Variants in ASB18 observed in about 807,000 individuals in gnomAD.
The protein encoded by ASB18 is ankyrin repeat and SOCS box containing 18.
Under a neutral mutation model 33.4 loss-of-function variants are expected in ASB18, and 33 were observed. The observed-to-expected ratio is 0.99, with a 90% confidence interval of 0.75 to 1.32. The LOEUF is 1.32. Ranked by LOEUF, ASB18 falls within the 40% of genes most tolerant of loss-of-function variation. The pLI is 0.00. For missense variants in ASB18, 694 were observed against 655.5 expected (o/e 1.06, Z -0.64); for synonymous variants, 295 against 307.6 (o/e 0.96, Z 0.43).
chr2:236,263,704 C>CT lies in ASB18; in HGVS notation c.205+436dup, dbSNP rs5839631. On this transcript the variant is annotated intron_variant, in intron 1 of 5. Coordinates refer to ENST00000409749, the MANE Select transcript of ASB18 (RefSeq NM_212556.4). This position sits in a 1 kb window ranked among gnomAD's most constrained non-coding sequence, Gnocchi z 4.0. ...AAGCAAAAAGGTAACCAAATACTATCTTTTTGTAGGCATTTGGTTTAAGTA... is the reference window on the plus strand; with the variant it reads ...AAGCAAAAAGGTAACCAAATACTATCTTTTTTGTAGGCATTTGGTTTAAGTA... 0.081 allele frequency among the ~76,000 whole-genome samples: 12,288 copies of CT among 152,200 alleles called. 1,163 individuals carry two copies. The highest frequency in any genetic ancestry group is 0.23 in the African/African-American group (9,701 of 41,516).
chr2:236,213,470 T>C lies in ASB18; in HGVS notation c.1101+892A>G, dbSNP rs1401330703. 6.6e-6 allele frequency among the ~76,000 whole-genome samples: 1 copy of C among 152,226 alleles called. No individual in the cohort carries two copies. The highest frequency in any genetic ancestry group is 1.5e-5 in the Non-Finnish European group (1 of 68,050). ...AAATATGTCTTATGTCTATGAGTGA[T>C]GAGTCTTGGTTGATGGAGATAATTT... On this transcript the variant is annotated intron_variant, in intron 4 of 5. Transcript: ENST00000409749. This position sits in a 1 kb window ranked among gnomAD's most constrained non-coding sequence, Gnocchi z 4.8.
rs973641011 is a variant in ASB18, at chr2:236,248,869, A to G, written c.206-7467T>C. On this transcript the variant is annotated intron_variant, in intron 1 of 5. Coordinates refer to ENST00000409749, the MANE Select transcript of ASB18 (RefSeq NM_212556.4). This position sits in a 1 kb window ranked among gnomAD's most constrained non-coding sequence, Gnocchi z 4.9. ...TCAGAGCAACAGGCCGATTCAATCA[A>G]TGCCACCAGGCAGCATTCAAACTGC... 3 of 152,246 alleles carry G rather than the reference A, an allele frequency of 2.0e-5. No individual in the cohort carries two copies. The highest frequency in any genetic ancestry group is 4.8e-5 in the African/African-American group (2 of 41,468). 9.4% of individuals were successfully genotyped at this position (152,246 alleles called of 1,614,324 possible). A position where few individuals can be genotyped will look rare whatever the true frequency, so the allele number is the denominator to read the frequency against.
chr2:236,261,353 T>C (rs1444888257), intron 1 of ASB18, among the ~76,000 whole-genome samples: 1 of 152,180 alleles, frequency 6.6e-6, no homozygotes, highest in African/African-American at 2.4e-5. Flanking sequence ...CTGCCTTCAA[T>C]GAACTCCCAG....
At position 236,209,363 on chromosome 2, in the gene ASB18, C is replaced by G. The variant is rs988325091; in HGVS notation, c.1101+4999G>C. Among the ~76,000 whole-genome samples the G allele has an allele frequency of 6.6e-6, 1 of 151,808 alleles. No individual in the cohort carries two copies. Among genetic ancestry groups the G allele is most frequent in the East Asian group, 1.9e-4 (1 of 5,168 alleles). Reference sequence around the variant, plus strand: ...TCATGGCTCACTGCAGCTTCCACCCCCTGGGTTTAGGTAATCCTCCTGTCT... The same window carrying G: ...TCATGGCTCACTGCAGCTTCCACCCGCTGGGTTTAGGTAATCCTCCTGTCT... On this transcript the variant is annotated intron_variant, in intron 4 of 5. Coordinates refer to ENST00000409749, the MANE Select transcript of ASB18 (RefSeq NM_212556.4). The surrounding 1 kb of genome is among the most constrained non-coding windows in gnomAD (Gnocchi z 4.4).
rs184244817 is a variant in ASB18, at chr2:236,208,762, C to G, written c.1101+5600G>C. ...ATCGTGCCCCCTCATGTTTGCCAGG[C>G]AGCTGGCTGCCTTCATTATTTTTAC... On this transcript the variant is annotated intron_variant, in intron 4 of 5. Coordinates refer to ENST00000409749, the MANE Select transcript of ASB18 (RefSeq NM_212556.4). The surrounding 1 kb of genome is among the most constrained non-coding windows in gnomAD (Gnocchi z 7.7). Among the ~76,000 whole-genome samples, 6 of 152,324 alleles carry G rather than the reference C, an allele frequency of 3.9e-5. No homozygotes were observed. Among genetic ancestry groups the G allele is most frequent in the Non-Finnish European group, 8.8e-5 (6 of 68,034 alleles).
Position 236,228,253 on chromosome 2 carries a change from A to G in ASB18, c.596+9436T>C, listed in dbSNP as rs756559164. On this transcript the variant is annotated intron_variant, in intron 3 of 5. Coordinates refer to ENST00000409749, the MANE Select transcript of ASB18 (RefSeq NM_212556.4). This position sits in a 1 kb window ranked among gnomAD's most constrained non-coding sequence, Gnocchi z 5.1. ...TCACAAGGTTGGAACTTACTCCCCA[A>G]TATGATTGGCAGTATTGGATTTCTC... 2.2e-4 allele frequency among the ~76,000 whole-genome samples: 34 copies of G among 152,312 alleles called. No individual in the cohort carries two copies. The highest frequency in any genetic ancestry group is 3.4e-3 in the Middle Eastern group (1 of 294).
In ASB18 at chr2:236,209,270, C is replaced by T. The variant is rs988161283; in HGVS notation, c.1101+5092G>A. Among the ~76,000 whole-genome samples, 1 of 143,056 alleles carries T rather than the reference C, an allele frequency of 7.0e-6. No individual in the cohort carries two copies. Among genetic ancestry groups the T allele is most frequent in the Non-Finnish European group, 1.5e-5 (1 of 65,758 alleles). 93.9% of individuals were successfully genotyped at this position (143,056 alleles called of 152,430 possible). A position where few individuals can be genotyped will look rare whatever the true frequency, so the allele number is the denominator to read the frequency against. On this transcript the variant is annotated intron_variant, in intron 4 of 5. Coordinates refer to ENST00000409749, the MANE Select transcript of ASB18 (RefSeq NM_212556.4). The surrounding 1 kb of genome is among the most constrained non-coding windows in gnomAD (Gnocchi z 4.4). ...AGAGATTTGCAGATGTTTCTAGAAT[C>T]TGCTTTTTTTTTTTTTTTTTAAGAC... is the stretch of plus-strand genomic sequence containing the variant.
At position 236,196,128 on chromosome 2, in the gene ASB18, C is replaced by T. The variant is rs754602738; in HGVS notation, c.1215+144G>A. On this transcript the variant is annotated intron_variant, in intron 5 of 5. Transcript: ENST00000409749. This position sits in a 1 kb window ranked among gnomAD's most constrained non-coding sequence, Gnocchi z 5.6. ...TGGAGCCTCCAGAAAAAACCAGAAA[C>T]GTGCAAATACACCCTCATTTCCCAT... 12 of 688,940 alleles carry T rather than the reference C, an allele frequency of 1.7e-5. 2 individuals carry two copies. Among genetic ancestry groups the T allele is most frequent in the South Asian group, 7.9e-5 (5 of 63,204 alleles). 42.7% of individuals were successfully genotyped at this position (688,940 alleles called of 1,614,324 possible). A position where few individuals can be genotyped will look rare whatever the true frequency, so the allele number is the denominator to read the frequency against.
rs573124073 is a variant in ASB18, at chr2:236,222,847, C to G, written c.597-7981G>C. 3.3e-5 allele frequency among the ~76,000 whole-genome samples: 5 copies of G among 152,122 alleles called. No homozygotes were observed. Among genetic ancestry groups the G allele is most frequent in the Non-Finnish European group, 7.3e-5 (5 of 68,038 alleles). ...CCAGCCTGGCCAACATGGTGAAACC[C>G]TATCTCTACTAAAAATACAAAAATT... is the stretch of plus-strand genomic sequence containing the variant. On this transcript the variant is annotated intron_variant, in intron 3 of 5. Coordinates refer to ENST00000409749, the MANE Select transcript of ASB18 (RefSeq NM_212556.4). The surrounding 1 kb of genome is among the most constrained non-coding windows in gnomAD (Gnocchi z 5.5).
At chr2:236,236,506 A>G (rs1043158883) in intron 3 of ASB18, among the ~76,000 whole-genome samples, 2 of 152,184 alleles carry the variant, frequency 1.3e-5, no homozygotes, top group African/African-American at 4.8e-5. Context: ...TACGCCTTAA[A>G]CACGTGCCGC....
chr2:236,202,992 C>T (rs1005195892), intron 4 of ASB18, among the ~76,000 whole-genome samples: 1 of 151,754 alleles, frequency 6.6e-6, no homozygotes, highest in Non-Finnish European at 1.5e-5. Flanking sequence ...TGCGTATCTC[C>T]TTCAGTAACA....
rs903045561 is a variant in ASB18 at position 236,200,621 on chromosome 2, C to T, written c.1102-4236G>A. 1.3e-5 allele frequency among the ~76,000 whole-genome samples: 2 copies of T among 152,186 alleles called. No homozygotes were observed. The highest frequency in any genetic ancestry group is 3.9e-4 in the East Asian group (2 of 5,190). On this transcript the variant is annotated intron_variant, in intron 4 of 5. Coordinates refer to ENST00000409749, the MANE Select transcript of ASB18 (RefSeq NM_212556.4). This position sits in a 1 kb window ranked among gnomAD's most constrained non-coding sequence, Gnocchi z 4.2. ...TTCTGCCCTCACTCTCCTTTCCTCC[C>T]TCCTGCTGCCGGGACACCCCACTGG...
rs2106278309 is a variant in ASB18, at chr2:236,237,316, T to C, written c.596+373A>G. Among the ~76,000 whole-genome samples the C allele has an allele frequency of 6.7e-6, 1 of 150,332 alleles. No individual in the cohort carries two copies. The highest frequency in any genetic ancestry group is 2.1e-4 in the South Asian group (1 of 4,806). ...TGGCGCCTCCCGCGCGCGCTCGCAA[T>C]CAAGCGCTAATTAAACCCGCGGGGG... On this transcript the variant is annotated intron_variant, in intron 3 of 5. Coordinates refer to ENST00000409749, the MANE Select transcript of ASB18 (RefSeq NM_212556.4). This position sits in a 1 kb window ranked among gnomAD's most constrained non-coding sequence, Gnocchi z 6.2.
chr2:236,200,546 T>C lies in ASB18; in HGVS notation c.1102-4161A>G, dbSNP rs548340233. On this transcript the variant is annotated intron_variant, in intron 4 of 5. Coordinates refer to ENST00000409749, the MANE Select transcript of ASB18 (RefSeq NM_212556.4). This position sits in a 1 kb window ranked among gnomAD's most constrained non-coding sequence, Gnocchi z 4.2. ...CGTAGCAGAAGCAGCAGTCCTCGCT[T>C]GGGGATACACAGCTAGCCTGAGGCA... Among the ~76,000 whole-genome samples, 15 of 152,262 alleles carry C rather than the reference T, an allele frequency of 9.9e-5. 1 individual carries two copies. Among genetic ancestry groups the C allele is most frequent in the Admixed American group, 3.9e-4 (6 of 15,288 alleles).
chr2:236,217,921 G>A lies in ASB18; in HGVS notation c.597-3055C>T, dbSNP rs1207246991. ...GGAATTTTGAACAGTGCAGCAGGAC[G>A]TTAGAAATCAAGGGTTCCTTCTCGT... On this transcript the variant is annotated intron_variant, in intron 3 of 5. Coordinates refer to ENST00000409749, the MANE Select transcript of ASB18 (RefSeq NM_212556.4). The surrounding 1 kb of genome is among the most constrained non-coding windows in gnomAD (Gnocchi z 5.2). Among the ~76,000 whole-genome samples, 14 of 152,320 alleles carry A rather than the reference G, an allele frequency of 9.2e-5. No homozygotes were observed. Among genetic ancestry groups the A allele is most frequent in the African/African-American group, 2.4e-4 (10 of 41,578 alleles).
rs1328076525 is a variant in ASB18 at position 236,253,521 on chromosome 2, C to T, written c.205+10620G>A. On this transcript the variant is annotated intron_variant, in intron 1 of 5. Transcript: ENST00000409749. The surrounding 1 kb of genome is among the most constrained non-coding windows in gnomAD (Gnocchi z 5.4). ...TCTCCTGAGTCGCTGGGACTACAGCCACTTGCTGGTTAACTTATTATTATT... is the reference window on the plus strand; with the variant it reads ...TCTCCTGAGTCGCTGGGACTACAGCTACTTGCTGGTTAACTTATTATTATT... Among the ~76,000 whole-genome samples, 1 of 145,314 alleles carries T rather than the reference C, an allele frequency of 6.9e-6. No individual in the cohort carries two copies. Among genetic ancestry groups the T allele is most frequent in the East Asian group, 2.0e-4 (1 of 4,912 alleles).
intron 1 of ASB18, among the ~76,000 whole-genome samples, chr2:236,243,242 A>G (rs1422682138): frequency 6.7e-6 from 1 of 149,602 alleles, no homozygotes; most frequent in Non-Finnish European, 1.5e-5. Context: ...AGGTGAGAGA[A>G]TGGCGTGAAC....
chr2:236,210,757 T>C (rs7584752), intron 4 of ASB18, among the ~76,000 whole-genome samples: 70,346 of 152,078 alleles, frequency 0.46, 20,351 homozygotes, highest in African/African-American at 0.83. Flanking sequence ...AAGCTGGCCA[T>C]GTAAACTGAG....
rs59673599 is a variant in ASB18 at position 236,221,898 on chromosome 2, A to G, written c.597-7032T>C. On this transcript the variant is annotated intron_variant, in intron 3 of 5. Transcript: ENST00000409749. This position sits in a 1 kb window ranked among gnomAD's most constrained non-coding sequence, Gnocchi z 5.6. ...TCCTCCTCAGAGATGACACGGAGGC[A>G]GATGGGCTAGAGACATGTCCCAGGG... Among the ~76,000 whole-genome samples the G allele has an allele frequency of 0.064, 9,700 of 152,262 alleles. 1,013 individuals are homozygous for G. The highest frequency in any genetic ancestry group is 0.22 in the African/African-American group (9,058 of 41,504).
Sources: gnomAD v4.1 joint callset for allele counts (sites outside exome capture counted in the v4.1 genomes callset) on GRCh38, gnomAD v4.1.1 for gene constraint, Gnocchi (gnomAD v3.1) non-coding constraint, MANE v1.5 for transcripts, NCBI Gene and HGNC (gene_info 2026-07-23, HGNC 2026-07-21) for gene names.